Variants in CCNJL observed in about 807,000 individuals in gnomAD.
CCNJL encodes cyclin J like, also known as cyclin-J-like protein.
In CCNJL, 33 loss-of-function variants were observed where a neutral mutation model predicts 33.4. That is an observed-to-expected ratio of 0.99 (90% CI 0.75 to 1.32). The LOEUF is 1.32. Ranked by LOEUF, CCNJL falls within the 40% of genes most tolerant of loss-of-function variation. CCNJL has a pLI of 0.00. For synonymous variants in CCNJL, 227 were observed against 220.9 expected (o/e 1.03, Z -0.24); for missense variants, 512 against 499.7 (o/e 1.02, Z -0.23).
chr5:160,273,793 C>A (rs985046699), intron 3 of CCNJL, among the ~76,000 whole-genome samples: 10 of 151,782 alleles, frequency 6.6e-5, no homozygotes, highest in Non-Finnish European at 1.2e-4. Flanking sequence ...ACTACAGGTG[C>A]CCACCACCAC....
intron 2 of CCNJL, among the ~76,000 whole-genome samples, chr5:160,291,809 A>G (rs1762593519): frequency 6.6e-6 from 1 of 152,242 alleles, no homozygotes; most frequent in African/African-American, 2.4e-5. Context: ...AGCGCATGGC[A>G]GCTCACAGAA....
chr5:160,303,552 T>G (rs1581006333), intron 2 of CCNJL, among the ~76,000 whole-genome samples: 1 of 149,750 alleles, frequency 6.7e-6, no homozygotes, highest in Admixed American at 6.7e-5. Flanking sequence ...AAAATAAAAA[T>G]GTATTGTGAT....
At chr5:160,334,303 T>A (rs1763656514) in intron 1 of CCNJL, among the ~76,000 whole-genome samples, 1 of 152,178 alleles carries the variant, frequency 6.6e-6, no homozygotes, top group African/African-American at 2.4e-5. Flanking sequence ...TACTCTCGAT[T>A]CATGATTTTT....
At chr5:160,309,033 G>A (rs1471740443) in intron 2 of CCNJL, among the ~76,000 whole-genome samples, 2 of 152,196 alleles carry the variant, frequency 1.3e-5, no homozygotes, top group Non-Finnish European at 1.5e-5. Context: ...GTAGGGAAGG[G>A]GTAAGAGACA....
In CCNJL at chr5:160,253,528, C is replaced by T; in HGVS notation, c.1014G>A (p.Gln338=). 1 of 1,614,220 alleles carries T rather than the reference C, an allele frequency of 6.2e-7. No individual in the cohort carries two copies. Among genetic ancestry groups the T allele is most frequent in the African/African-American group, 1.3e-5 (1 of 75,066 alleles). ...SSLHTPYQPL[Q]PLDMCPVPVP... ...CGGGCACGGGACACATATCCAAGGG[C>T]TGCAGCGGTTGGTACGGGGTGTGGA... is the stretch of plus-strand genomic sequence containing the variant. The change falls in exon 6 of 6, where the codon CAG becomes CAA. Residue 338 remains glutamine, a synonymous_variant. Coordinates refer to ENST00000257536, the MANE Select transcript of CCNJL (RefSeq NM_001308173.3).
chr5:160,297,735 T>G (rs550944357), intron 2 of CCNJL, among the ~76,000 whole-genome samples: 12 of 151,632 alleles, frequency 7.9e-5, no homozygotes, highest in African/African-American at 2.7e-4. Context: ...TTTTGCAACT[T>G]GGTTGAAGAA....
chr5:160,321,934 G>A (rs983774319), intron 1 of CCNJL, among the ~76,000 whole-genome samples: 2 of 152,156 alleles, frequency 1.3e-5, no homozygotes, highest in Non-Finnish European at 2.9e-5. Flanking sequence ...TAACCACTGT[G>A]ATATTGATGG....
chr5:160,249,805 T>TAAAA lies in CCNJL; in HGVS notation c.*3569_*3572dup, dbSNP rs765545123. The TAAAA allele has an allele frequency of 4.9e-5, 7 of 143,558 alleles. No homozygotes were observed. The highest frequency in any genetic ancestry group is 6.9e-5 in the Admixed American group (1 of 14,522). 8.9% of individuals were successfully genotyped at this position (143,558 alleles called of 1,614,324 possible). A position where few individuals can be genotyped will look rare whatever the true frequency, so the allele number is the denominator to read the frequency against. On this transcript the variant is annotated 3_prime_UTR_variant, in exon 6 of 6. Coordinates refer to ENST00000257536, the MANE Select transcript of CCNJL (RefSeq NM_001308173.3). ...ATAAATAAATAAATAAATAAATAAA[T>TAAAA]AAAATAAAAATTTAAAAAATCAAAC...
At chr5:160,259,076 G>A (rs543370348) in intron 4 of CCNJL, among the ~76,000 whole-genome samples, 7 of 152,148 alleles carry the variant, frequency 4.6e-5, no homozygotes, top group Non-Finnish European at 1.0e-4. Flanking sequence ...AAGTAACAGG[G>A]TAACTTTTAT....
In CCNJL at chr5:160,258,474, G is replaced by A; in HGVS notation, c.583+995C>T. The A allele has an allele frequency of 3.3e-6, 4 of 1,214,944 alleles. No individual in the cohort carries two copies. The South Asian group carries it at 4.8e-5, about 15-fold the overall frequency. 75.3% of individuals were successfully genotyped at this position (1,214,944 alleles called of 1,614,324 possible). On this transcript the variant is annotated intron_variant, in intron 4 of 5. Transcript: ENST00000257536. ...CACTGGACCTGTCCATGAAGCATCA[G>A]ATCTTGCCTAAAGAGCAGTGGACCA...
At chr5:160,315,046 G>A (rs1763363715), upstream of CCNJL, among the ~76,000 whole-genome samples, 1 of 152,106 alleles carries the variant, frequency 6.6e-6, no homozygotes, top group African/African-American at 2.4e-5. Flanking sequence ...TTTCAAAGGT[G>A]TTTCATCAAA....
intron 2 of CCNJL, among the ~76,000 whole-genome samples, chr5:160,292,543 C>A (rs561395823): frequency 6.6e-6 from 1 of 152,038 alleles, no homozygotes; most frequent in Non-Finnish European, 1.5e-5. Context: ...ATCATTTAAG[C>A]CCAGAAGTTT....
At chr5:160,327,836 G>A (rs952918110) in intron 1 of CCNJL, among the ~76,000 whole-genome samples, 1 of 152,114 alleles carries the variant, frequency 6.6e-6, no homozygotes, top group African/African-American at 2.4e-5. Context: ...TTTCAGTGTC[G>A]GCTTTGGAGG....
chr5:160,332,786 GCTT>G (rs932913704), intron 1 of CCNJL, among the ~76,000 whole-genome samples: 8 of 151,778 alleles, frequency 5.3e-5, no homozygotes, highest in Non-Finnish European at 8.8e-5. Flanking sequence ...TGTCTTCTCT[GCTT>G]TTTTTTTTCT....
chr5:160,323,336 G>C (rs6884100), intron 1 of CCNJL, among the ~76,000 whole-genome samples: 5,080 of 152,098 alleles, frequency 0.033, 271 homozygotes, highest in African/African-American at 0.11. Flanking sequence ...CTCTAGCAAA[G>C]CTCCCACCTC....
At chr5:160,267,125 G>T (rs2113283427) in intron 3 of CCNJL, among the ~76,000 whole-genome samples, 1 of 152,322 alleles carries the variant, frequency 6.6e-6, no homozygotes, top group South Asian at 2.1e-4. Context: ...AGCTTCGTTT[G>T]GCATTTGGTT....
chr5:160,285,539 C>T (rs1300227079), intron 2 of CCNJL, among the ~76,000 whole-genome samples: 1 of 152,096 alleles, frequency 6.6e-6, no homozygotes, highest in Non-Finnish European at 1.5e-5. Context: ...AGAGGGAAGT[C>T]GTGACCAACT....
rs1377207160 is a variant in CCNJL at position 160,250,616 on chromosome 5, G to C, written c.*2762C>G. The C allele has an allele frequency of 1.3e-5, 2 of 152,326 alleles. No homozygotes were observed. The highest frequency in any genetic ancestry group is 3.9e-4 in the East Asian group (2 of 5,176). 9.4% of individuals were successfully genotyped at this position (152,326 alleles called of 1,614,324 possible). A position where few individuals can be genotyped will look rare whatever the true frequency, so the allele number is the denominator to read the frequency against. On this transcript the variant is annotated 3_prime_UTR_variant, in exon 6 of 6. Coordinates refer to ENST00000257536, the MANE Select transcript of CCNJL (RefSeq NM_001308173.3). ...CTTGAGTGAGACTCCCTTCAAGGAGGAGTACGAATCTGACATTTTTCATAA... is the reference window on the plus strand; with the variant it reads ...CTTGAGTGAGACTCCCTTCAAGGAGCAGTACGAATCTGACATTTTTCATAA...
At chr5:160,302,817 A>T (rs1002377498) in intron 2 of CCNJL, among the ~76,000 whole-genome samples, 5 of 142,182 alleles carry the variant, frequency 3.5e-5, no homozygotes, top group Non-Finnish European at 7.6e-5. Flanking sequence ...GTCTCAATAA[A>T]AAAAAAAAAA....
Sources: gnomAD v4.1 joint callset for allele counts (sites outside exome capture counted in the v4.1 genomes callset) on GRCh38, gnomAD v4.1.1 for gene constraint, MANE v1.5 for transcripts, NCBI Gene and HGNC (gene_info 2026-07-23, HGNC 2026-07-21) for gene names.